The following PROM1 variants were observed in gnomAD, a reference collection of about 807,000 sequenced individuals.
PROM1 encodes prominin-1.
PROM1 carries 105 observed loss-of-function variants against 116.9 expected under a neutral mutation model. The observed-to-expected ratio is 0.90, with a 90% confidence interval of 0.77 to 1.06. The LOEUF is 1.06. PROM1 is among the 50% of genes least tolerant of loss of function. The pLI is 0.00. For synonymous variants in PROM1, 393 were observed against 387.0 expected, an observed-to-expected ratio of 1.02 and a Z score of -0.18; for missense variants, 1,122 against 1,045.2, an observed-to-expected ratio of 1.07 and a Z score of -1.01.
At position 16,025,190 on chromosome 4, in the gene PROM1, A is replaced by T. The variant is rs1578097528; in HGVS notation, c.630+2T>A. The T allele has an allele frequency of 6.2e-7, 1 of 1,613,412 alleles. No individual in the cohort carries two copies. The highest frequency in any genetic ancestry group is 8.5e-7 in the Non-Finnish European group (1 of 1,179,500). ...GCGGTACATAGAGATGATGGTTTTT[A>T]CCTCTGGAGTTTCATTCAAGAGAGT... On this transcript the variant is annotated splice_donor_variant, in intron 6 of 27. Transcript: ENST00000447510. LOFTEE classifies it high-confidence loss of function.
At chr4:16,032,940 C>T (rs1325787845) in intron 5 of PROM1, among the ~76,000 whole-genome samples, 1 of 152,196 alleles carries the variant, frequency 6.6e-6, no homozygotes, top group African/African-American at 2.4e-5. Context: ...CTTGCAGATC[C>T]ATCTCTCTTT....
intron 5 of PROM1, among the ~76,000 whole-genome samples, chr4:16,026,031 C>G (rs953735511): frequency 6.6e-6 from 1 of 152,134 alleles, no homozygotes; most frequent in Admixed American, 6.5e-5. Context: ...GTACTCTGTT[C>G]GTGGGTGGAT....
At chr4:16,077,242 C>T (rs932881095) in intron 1 of PROM1, among the ~76,000 whole-genome samples, 23 of 152,340 alleles carry the variant, frequency 1.5e-4, no homozygotes, top group South Asian at 1.0e-3. Flanking sequence ...GGGAAAACCG[C>T]CTTAGGGCTG....
In PROM1 at chr4:15,968,611, C is replaced by A. The variant is rs1452276373; in HGVS notation, c.*782G>T. 6.6e-6 allele frequency: 1 copy of A among 152,200 alleles called. No homozygotes were observed. The highest frequency in any genetic ancestry group is 6.5e-5 in the Admixed American group (1 of 15,272). The allele number at this position is 152,200 out of a possible 1,614,324, so 9.4% of individuals were successfully genotyped here. A position where few individuals can be genotyped will look rare whatever the true frequency, so the allele number is the denominator to read the frequency against. On this transcript the variant is annotated 3_prime_UTR_variant, in exon 28 of 28. Coordinates refer to ENST00000447510, the MANE Select transcript of PROM1 (RefSeq NM_006017.3). ...ACAGAAAACTCTGTTAAACTGTACA[C>A]CGTAATTGGCATCTGTTAAAACAAC...
chr4:16,079,571 C>A (rs1744612130), intron 1 of PROM1, among the ~76,000 whole-genome samples: 1 of 151,976 alleles, frequency 6.6e-6, no homozygotes, highest in Non-Finnish European at 1.5e-5. Flanking sequence ...CCAGCTAAAC[C>A]CCACTAGGTC....
chr4:16,050,647 T>C (rs1043628977), intron 2 of PROM1, among the ~76,000 whole-genome samples: 4 of 152,240 alleles, frequency 2.6e-5, no homozygotes, highest in African/African-American at 9.6e-5. Flanking sequence ...TGAGCCACCA[T>C]GCCCAGCCTA....
intron 27 of PROM1, among the ~76,000 whole-genome samples, chr4:15,970,336 C>A (rs1577718743): frequency 6.6e-6 from 1 of 151,442 alleles, no homozygotes; most frequent in Middle Eastern, 3.4e-3. Flanking sequence ...CCCCACCACA[C>A]CCGGCTAACT....
intron 5 of PROM1, among the ~76,000 whole-genome samples, chr4:16,026,682 G>C (rs1731382367): frequency 6.6e-6 from 1 of 152,078 alleles, no homozygotes; most frequent in Non-Finnish European, 1.5e-5. Flanking sequence ...CCCACTTATA[G>C]TATAAATACA....
intron 27 of PROM1, among the ~76,000 whole-genome samples, chr4:15,970,345 CT>C (rs1292643211): frequency 6.6e-6 from 1 of 150,708 alleles, no homozygotes; most frequent in Admixed American, 6.6e-5. Context: ...ACCCGGCTAA[CT>C]TTTTTTAGTA....
chr4:15,979,943 T>A (rs1171391111), intron 24 of PROM1, 39 bp from the exon 25 acceptor site: 14 of 1,248,154 alleles, frequency 1.1e-5, no homozygotes, highest in Admixed American at 5.2e-5. Flanking sequence ...TTAATTTTTT[T>A]AATTATTATG....
At chr4:15,977,563 G>A (rs1716501017) in intron 26 of PROM1, among the ~76,000 whole-genome samples, 1 of 152,176 alleles carries the variant, frequency 6.6e-6, no homozygotes, top group South Asian at 2.1e-4. Context: ...CATACTGGAA[G>A]TATCAGATGA....
intron 2 of PROM1, among the ~76,000 whole-genome samples, chr4:16,052,081 G>A (rs539219475): frequency 1.3e-5 from 2 of 152,190 alleles, no homozygotes; most frequent in Non-Finnish European, 2.9e-5. Flanking sequence ...CTATATCTAC[G>A]CCTGTTTATG....
intron 23 of PROM1, among the ~76,000 whole-genome samples, chr4:15,981,314 T>C (rs1312966589): frequency 6.7e-6 from 1 of 148,294 alleles, no homozygotes; most frequent in Non-Finnish European, 1.5e-5. Context: ...CTCATTCCTG[T>C]AATCTCAGCA....
intron 2 of PROM1, among the ~76,000 whole-genome samples, chr4:16,061,206 C>CT (rs1740238621): frequency 6.6e-6 from 1 of 152,046 alleles, no homozygotes; most frequent in African/African-American, 2.4e-5. Flanking sequence ...TGGAGCCCCC[C>CT]ACTGGAACTC....
chr4:16,068,859 A>C (rs983584427), intron 2 of PROM1, among the ~76,000 whole-genome samples: 2 of 152,118 alleles, frequency 1.3e-5, no homozygotes, highest in African/African-American at 4.8e-5. Context: ...CTCCACTCCC[A>C]CACACACCAA....
At chr4:16,010,436 G>A (rs147013444) in intron 11 of PROM1, among the ~76,000 whole-genome samples, 35 of 152,292 alleles carry the variant, frequency 2.3e-4, no homozygotes, top group Admixed American at 5.2e-4. Context: ...TGAGGCTCCC[G>A]GTGAACTTCA....
At chr4:16,069,349 C>G (rs935558327) in intron 2 of PROM1, among the ~76,000 whole-genome samples, 15 of 152,316 alleles carry the variant, frequency 9.8e-5, no homozygotes, top group African/African-American at 3.6e-4. Flanking sequence ...ATTAGAATAG[C>G]TCAGATCTGG....
intron 26 of PROM1, 34 bp from the exon 27 acceptor site, chr4:15,971,116 C>A (rs757331302): frequency 6.5e-7 from 1 of 1,535,094 alleles, no homozygotes; most frequent in Non-Finnish European, 8.8e-7. Flanking sequence ...ATATAATACC[C>A]CCAACAAAGC....
At chr4:16,041,024 C>A (rs555608416) in intron 2 of PROM1, among the ~76,000 whole-genome samples, 27 of 152,362 alleles carry the variant, frequency 1.8e-4, no homozygotes, top group South Asian at 1.5e-3. Context: ...AAAGGTAGAT[C>A]CTCACGGGTC....
Sources: gnomAD v4.1 joint callset for allele counts (sites outside exome capture counted in the v4.1 genomes callset) on GRCh38, gnomAD v4.1.1 for gene constraint, MANE v1.5 for transcripts, NCBI Gene and HGNC (gene_info 2026-07-23, HGNC 2026-07-21) for gene names.